The following INPP4B variants were observed in gnomAD, a reference collection of about 807,000 sequenced individuals.
INPP4B encodes the protein inositol polyphosphate 4-phosphatase type II.
Under a neutral mutation model 122.5 loss-of-function variants are expected in INPP4B, and 55 were observed. The ratio of observed to expected loss-of-function variants is 0.45; its 90% confidence interval spans 0.36 to 0.56. The LOEUF is 0.56. Among genes scored for constraint, INPP4B ranks in the 20% least tolerant of loss-of-function variants. INPP4B has a pLI of 0.00. For synonymous variants in INPP4B, 403 were observed against 388.7 expected (o/e 1.04, Z -0.43); for missense variants, 1,000 against 1,097.7 (o/e 0.91, Z 1.26).
intron 23 of INPP4B, among the ~76,000 whole-genome samples, chr4:142,092,538 G>A (rs185441401): frequency 3.9e-5 from 6 of 152,176 alleles, no homozygotes; most frequent in African/African-American, 9.6e-5. Flanking sequence ...TGATCCACCC[G>A]CCTAGGCCTC....
intron 2 of INPP4B, among the ~76,000 whole-genome samples, chr4:142,517,650 C>T (rs1035541895): frequency 1.3e-5 from 2 of 152,092 alleles, no homozygotes; most frequent in South Asian, 4.1e-4. Flanking sequence ...CTCTTCAAAA[C>T]GTCTTAAGTT....
intron 2 of INPP4B, chr4:142,519,083 T>C (rs1009133215): frequency 2.0e-5 from 3 of 152,174 alleles, no homozygotes; most frequent in East Asian, 3.9e-4. Context: ...TGTGTATATA[T>C]CCTTTCTGCC....
intron 2 of INPP4B, among the ~76,000 whole-genome samples, chr4:142,578,134 G>T (rs1229363591): frequency 6.6e-6 from 1 of 151,870 alleles, no homozygotes; most frequent in Non-Finnish European, 1.5e-5. Context: ...TATACATAAT[G>T]ATGTTTATTT....
At chr4:142,151,805 C>G (rs1017010839) in intron 17 of INPP4B, among the ~76,000 whole-genome samples, 8 of 152,128 alleles carry the variant, frequency 5.3e-5, no homozygotes, top group Admixed American at 2.6e-4. Context: ...TGTCTTCTTG[C>G]AGTCTTAGAA....
At chr4:142,385,709 C>T (rs908023808) in intron 7 of INPP4B, among the ~76,000 whole-genome samples, 4 of 152,248 alleles carry the variant, frequency 2.6e-5, no homozygotes, top group African/African-American at 7.2e-5. Flanking sequence ...CTCAGTCAAG[C>T]ATCCATTCTC....
At chr4:142,363,326 G>T (rs917921931) in intron 7 of INPP4B, among the ~76,000 whole-genome samples, 1 of 151,230 alleles carries the variant, frequency 6.6e-6, no homozygotes, top group African/African-American at 2.4e-5. Flanking sequence ...CACAAAAAGG[G>T]GCATATAAAC....
Position 142,160,372 on chromosome 4 carries a change from C to G in INPP4B, c.1549G>C (p.Asp517His), listed in dbSNP as rs771598341. The change falls in exon 17 of 26, where the codon GAT becomes CAT. Residue 517 changes from aspartate to histidine, a missense_variant. Asp to His is a moderately conservative substitution (Grantham distance 81). Transcript: ENST00000262992. ...AAGAGACTTACCCACTCTTCCTCAT[C>G]ATAGTCTGAATGATGTGGTATGGAG... The part of the protein sequence containing the change: ...QDSIPHHSDY[D>H]EEEWDRVWAN... The G allele has an allele frequency of 6.5e-6, 10 of 1,541,722 alleles. No individual in the cohort carries two copies. The highest frequency in any genetic ancestry group is 1.4e-5 in the African/African-American group (1 of 73,514).
At chr4:142,414,358 A>G (rs1292218493) in intron 5 of INPP4B, among the ~76,000 whole-genome samples, 1 of 152,156 alleles carries the variant, frequency 6.6e-6, no homozygotes, top group African/African-American at 2.4e-5. Context: ...TATTATTGAT[A>G]CTAAAATAAA....
intron 1 of INPP4B, among the ~76,000 whole-genome samples, chr4:142,772,289 A>C (rs1773200550): frequency 6.6e-6 from 1 of 152,128 alleles, no homozygotes; most frequent in African/African-American, 2.4e-5. Flanking sequence ...GCCTGTCCTT[A>C]AGGAGCTTAC....
intron 2 of INPP4B, among the ~76,000 whole-genome samples, chr4:142,489,678 G>A (rs2149776192): frequency 6.6e-6 from 1 of 152,226 alleles, no homozygotes; most frequent in South Asian, 2.1e-4. Flanking sequence ...ACAGGTGTGA[G>A]CCACCACACC....
chr4:142,404,603 T>G lies in INPP4B; in HGVS notation c.255+603A>C, dbSNP rs542512372. ...ATAAATGTAAATAGGAAACCTCCCA[T>G]CTGATGAGTAATATTTATACTTTTT... On this transcript the variant is annotated intron_variant, in intron 6 of 25. Coordinates refer to ENST00000262992, the MANE Select transcript of INPP4B (RefSeq NM_001101669.3). Among the ~76,000 whole-genome samples the G allele has an allele frequency of 3.9e-5, 6 of 152,314 alleles. No homozygotes were observed. The East Asian group carries it at 1.2e-3, about 29-fold the overall frequency.
intron 25 of INPP4B, among the ~76,000 whole-genome samples, chr4:142,035,900 G>A (rs1311982622): frequency 4.6e-5 from 7 of 152,046 alleles, no homozygotes; most frequent in African/African-American, 1.5e-4. Context: ...AGGGAGAGGG[G>A]CAGGAGGAGG....
chr4:142,635,853 CTAAAA>C (rs535102952), intron 2 of INPP4B, among the ~76,000 whole-genome samples: 15 of 152,098 alleles, frequency 9.9e-5, no homozygotes, highest in South Asian at 2.1e-4. Context: ...ACCCCTGAAC[CTAAAA>C]TAAAAGTCTA....
At chr4:142,552,560 G>C (rs1414705486) in intron 2 of INPP4B, among the ~76,000 whole-genome samples, 1 of 152,078 alleles carries the variant, frequency 6.6e-6, no homozygotes, top group Admixed American at 6.6e-5. Flanking sequence ...TTTTGTAGGA[G>C]TCTCATATCA....
chr4:142,670,034 A>G (rs1400151960), intron 2 of INPP4B, among the ~76,000 whole-genome samples: 1 of 152,206 alleles, frequency 6.6e-6, no homozygotes, highest in African/African-American at 2.4e-5. Context: ...TAAGTAAAAC[A>G]TTCCATAAAT....
intron 2 of INPP4B, among the ~76,000 whole-genome samples, chr4:142,646,063 G>A (rs1406896886): frequency 3.3e-5 from 5 of 152,140 alleles, no homozygotes; most frequent in Non-Finnish European, 7.3e-5. Flanking sequence ...AAGGATGACT[G>A]CAAAGGAGAA....
intron 1 of INPP4B, among the ~76,000 whole-genome samples, chr4:142,822,547 G>A (rs1780915811): frequency 6.6e-6 from 1 of 152,088 alleles, no homozygotes; most frequent in African/African-American, 2.4e-5. Flanking sequence ...GGGGATCTGG[G>A]ATGCACTCCT....
intron 12 of INPP4B, among the ~76,000 whole-genome samples, chr4:142,234,085 G>T (rs192183603): frequency 1.2e-4 from 19 of 152,240 alleles, no homozygotes; most frequent in Admixed American, 9.2e-4. Flanking sequence ...GCATGTAAAA[G>T]ATAAAACAAA....
intron 1 of INPP4B, among the ~76,000 whole-genome samples, chr4:142,838,066 C>A (rs1783029588): frequency 1.3e-5 from 2 of 150,096 alleles, no homozygotes. Flanking sequence ...TTGCTGTGAA[C>A]CAGAACAGAG....
Sources: gnomAD v4.1 joint callset for allele counts (sites outside exome capture counted in the v4.1 genomes callset) on GRCh38, gnomAD v4.1.1 for gene constraint, MANE v1.5 for transcripts, NCBI Gene and HGNC (gene_info 2026-07-23, HGNC 2026-07-21) for gene names.